Variants in ZNF417 observed in about 807,000 individuals in gnomAD.
ZNF417 encodes zinc finger protein 417.
ZNF417 carries 5 observed loss-of-function variants against 7.4 expected under a neutral mutation model. The ratio of observed to expected loss-of-function variants is 0.68; its 90% confidence interval spans 0.35 to 1.43. The LOEUF (loss-of-function observed/expected upper bound fraction) is 1.43. ZNF417 is among the 40% of genes most tolerant of loss of function. The pLI is 0.04. For missense variants in ZNF417, 437 were observed against 697.3 expected, an observed-to-expected ratio of 0.63 and a Z score of 4.20; for synonymous variants, 147 against 239.1, an observed-to-expected ratio of 0.61 and a Z score of 3.55.
chr19:57,913,890 T>A (rs1404979437), intron 1 of ZNF417, among the ~76,000 whole-genome samples: 2 of 152,194 alleles, frequency 1.3e-5, no homozygotes. Flanking sequence ...CATGTCCTCC[T>A]AAATGGACCC....
Position 57,908,831 on chromosome 19 carries a change from G to A in ZNF417, c.1447C>T (p.Gln483Ter), listed in dbSNP as rs759004763. 1 of 1,613,852 alleles carries A rather than the reference G, an allele frequency of 6.2e-7. No individual in the cohort carries two copies. Among genetic ancestry groups the A allele is most frequent in the Non-Finnish European group, 8.5e-7 (1 of 1,179,794 alleles). ...FGNKNCVTIH[Q>*]RIHTGERPYE... ...GGCCTTTCTCCAGTGTGAATCCTCT[G>A]ATGTATAGTCACGCAGTTCTTATTA... Residue 483 changes from glutamine to a stop codon, truncating the protein, a stop_gained, in exon 3 of 3, where the codon CAG becomes TAG. Coordinates refer to ENST00000312026, the MANE Select transcript of ZNF417 (RefSeq NM_152475.3). LOFTEE classifies it low-confidence loss of function (END_TRUNC).
In ZNF417 at chr19:57,909,212, C is replaced by G. The variant is rs750371309; in HGVS notation, c.1066G>C (p.Glu356Gln). 106 of 1,614,056 alleles carry G rather than the reference C, an allele frequency of 6.6e-5. No individual in the cohort carries two copies. Among genetic ancestry groups the G allele is most frequent in the Middle Eastern group, 4.9e-4 (3 of 6,084 alleles). The change falls in exon 3 of 3, where the codon GAA becomes CAA. Residue 356 changes from glutamate to glutamine, a missense_variant. Around this residue, in one of 5 missense-constraint regions of ZNF417, gnomAD observed 53 missense variants for 91.9 expected, o/e 0.58. Coordinates refer to ENST00000312026, the MANE Select transcript of ZNF417 (RefSeq NM_152475.3). ...TTCTGACGAAAAGATTTCCCACATT[C>G]CCCACAGTGATAAGCTCTCTCTCCA... Reference protein sequence around the residue: ...HTGERAYHCGECGKSFRQKFC... With the variant: ...HTGERAYHCGQCGKSFRQKFC...
rs573552710 is a variant in ZNF417 at position 57,907,844 on chromosome 19, A to T, written c.*706T>A. ...AGATTATCTCCAGAAAAGAGCTTGG[A>T]GTGAGGAAATTAGTTAATGTGGATG... is the stretch of plus-strand genomic sequence containing the variant. On this transcript the variant is annotated 3_prime_UTR_variant, in exon 3 of 3. Transcript: ENST00000312026. The T allele has an allele frequency of 2.0e-5, 3 of 152,852 alleles. No individual in the cohort carries two copies. The East Asian group carries it at 5.8e-4, about 29-fold the overall frequency. 9.5% of individuals were successfully genotyped at this position (152,852 alleles called of 1,614,324 possible).
chr19:57,907,701 G>C lies in ZNF417; in HGVS notation c.*849C>G, dbSNP rs575131205. On this transcript the variant is annotated 3_prime_UTR_variant, in exon 3 of 3. Coordinates refer to ENST00000312026, the MANE Select transcript of ZNF417 (RefSeq NM_152475.3). ...GGCTACAGTGTCGACATTCATGCAA[G>C]TGGGGAAATGGGCATGTGGCCCCTG... 1.9e-5 allele frequency: 3 copies of C among 154,992 alleles called. No individual in the cohort carries two copies. The highest frequency in any genetic ancestry group is 7.2e-5 in the African/African-American group (3 of 41,658). 9.6% of individuals were successfully genotyped at this position (154,992 alleles called of 1,614,324 possible).
Position 57,907,836 on chromosome 19 carries a change from G to C in ZNF417, c.*714C>G, listed in dbSNP as rs1419965228. The C allele has an allele frequency of 6.5e-6, 1 of 153,012 alleles. No homozygotes were observed. The highest frequency in any genetic ancestry group is 2.4e-5 in the African/African-American group (1 of 41,486). 9.5% of individuals were successfully genotyped at this position (153,012 alleles called of 1,614,324 possible). A position where few individuals can be genotyped will look rare whatever the true frequency, so the allele number is the denominator to read the frequency against. On this transcript the variant is annotated 3_prime_UTR_variant, in exon 3 of 3. Coordinates refer to ENST00000312026, the MANE Select transcript of ZNF417 (RefSeq NM_152475.3). ...GGGACTGGAGATTATCTCCAGAAAA[G>C]AGCTTGGAGTGAGGAAATTAGTTAA...
In ZNF417 at chr19:57,909,677, GCATAGTTTCA is replaced by G; in HGVS notation, c.591_600del (p.Glu198MetfsTer279). On this transcript the variant is annotated frameshift_variant, in exon 3 of 3. Coordinates refer to ENST00000312026, the MANE Select transcript of ZNF417 (RefSeq NM_152475.3). LOFTEE classifies it low-confidence loss of function (END_TRUNC). ...TTTCCCTCCTGAAAGGGTGGGCCAT[GCATAGTTTCA>G]CTGTCTGTCTTCTCTACAGCAGCTG... is the stretch of plus-strand genomic sequence containing the variant. The G allele has an allele frequency of 6.5e-7, 1 of 1,545,800 alleles. No homozygotes were observed.
chr19:57,909,136 T>G lies in ZNF417; in HGVS notation c.1142A>C (p.Lys381Thr), dbSNP rs561975277. 4 of 1,614,030 alleles carry G rather than the reference T, an allele frequency of 2.5e-6. No individual in the cohort carries two copies. The highest frequency in any genetic ancestry group is 3.4e-6 in the Non-Finnish European group (4 of 1,179,992). The part of the protein sequence containing the change: ...QRVHTGERPY[K>T]CGECGKSFGQ... ...AAAAGATTTTCCACATTCTCCACAC[T>G]TGTAAGGCCTTTCTCCAGTGTGAAC... is the stretch of plus-strand genomic sequence containing the variant. The change falls in exon 3 of 3, where the codon AAG becomes ACG. Residue 381 changes from lysine (K) to threonine (T), a missense_variant. Lys to Thr is a moderately conservative substitution (Grantham distance 78). Coordinates refer to ENST00000312026, the MANE Select transcript of ZNF417 (RefSeq NM_152475.3).
rs1226260065 is a variant in ZNF417 at position 57,906,636 on chromosome 19, C to G, written c.*1914G>C. Among the ~76,000 whole-genome samples, 2 of 148,766 alleles carry G rather than the reference C, an allele frequency of 1.3e-5. No individual in the cohort carries two copies. Among genetic ancestry groups the G allele is most frequent in the Admixed American group, 6.7e-5 (1 of 14,860 alleles). Reference sequence around the variant, plus strand: ...ATTAGGTGGGCGTGGTGGAGGGAACCTATAGGCCCAGCTACTTGGGAGGCT... The same window carrying G: ...ATTAGGTGGGCGTGGTGGAGGGAACGTATAGGCCCAGCTACTTGGGAGGCT... On this transcript the variant is annotated 3_prime_UTR_variant, in exon 3 of 3. Coordinates refer to ENST00000312026, the MANE Select transcript of ZNF417 (RefSeq NM_152475.3).
chr19:57,914,889 A>G (rs2071934041), intron 1 of ZNF417, among the ~76,000 whole-genome samples: 1 of 152,208 alleles, frequency 6.6e-6, no homozygotes, highest in Non-Finnish European at 1.5e-5. Context: ...TCCTCGGATC[A>G]AAGGACTGAA....
At position 57,908,090 on chromosome 19, in the gene ZNF417, TAGTA is replaced by T; in HGVS notation, c.*456_*459del. The T allele has an allele frequency of 5.6e-6, 1 of 179,958 alleles. No homozygotes were observed. Among genetic ancestry groups the T allele is most frequent in the Non-Finnish European group, 1.2e-5 (1 of 83,782 alleles). 11.1% of individuals were successfully genotyped at this position (179,958 alleles called of 1,614,324 possible). A position where few individuals can be genotyped will look rare whatever the true frequency, so the allele number is the denominator to read the frequency against. Reference sequence around the variant, plus strand: ...AAATACAAACTTGGAACAAAAGAAATAGTAAGGTAATCTTAGAAAGATGTTGAAT... The same window carrying T: ...AAATACAAACTTGGAACAAAAGAAATAGGTAATCTTAGAAAGATGTTGAAT... On this transcript the variant is annotated 3_prime_UTR_variant, in exon 3 of 3. Transcript: ENST00000312026.
At chr19:57,916,215 A>G (rs534284743) in intron 1 of ZNF417, among the ~76,000 whole-genome samples, 164 bp downstream of exon 1, 4 of 144,350 alleles carry the variant, frequency 2.8e-5, no homozygotes, top group South Asian at 2.1e-4. Context: ...ACAGTTACAC[A>G]GGGACCCCCA....
rs1445732564 is a variant in ZNF417 at position 57,905,917 on chromosome 19, T to C, written c.*2633A>G. Among the ~76,000 whole-genome samples, 1 of 152,172 alleles carries C rather than the reference T, an allele frequency of 6.6e-6. No homozygotes were observed. The highest frequency in any genetic ancestry group is 2.4e-5 in the African/African-American group (1 of 41,440). ...AGACAAGAGCCTGCAGAGACTAAAA[T>C]TGCTTAGTACTGAAAGTTTTGCCTA... is the stretch of plus-strand genomic sequence containing the variant. On this transcript the variant is annotated 3_prime_UTR_variant, in exon 3 of 3. Coordinates refer to ENST00000312026, the MANE Select transcript of ZNF417 (RefSeq NM_152475.3).
At chr19:57,910,770 G>A (rs557828704) in intron 2 of ZNF417, among the ~76,000 whole-genome samples, 53 of 152,194 alleles carry the variant, frequency 3.5e-4, no homozygotes, top group African/African-American at 5.1e-4. Context: ...TGGACTGGGC[G>A]CGGTGGCTCA....
chr19:57,912,719 G>C (rs891588705), intron 1 of ZNF417, among the ~76,000 whole-genome samples: 4 of 151,730 alleles, frequency 2.6e-5, no homozygotes, highest in Admixed American at 6.6e-5. Context: ...AGTGATTCTC[G>C]TGCCTCAGCC....
rs964508696 is a variant in ZNF417, at chr19:57,907,240, AG to A, written c.*1309del. On this transcript the variant is annotated 3_prime_UTR_variant, in exon 3 of 3. Transcript: ENST00000312026. ...AACCTTTTGTTTCACTAAATGGGAC[AG>A]GAAGTTTTAACTCTTGTATCCATGA... is the stretch of plus-strand genomic sequence containing the variant. The A allele has an allele frequency of 3.0e-4, 46 of 152,250 alleles. No homozygotes were observed. Among genetic ancestry groups the A allele is most frequent in the African/African-American group, 1.0e-3 (42 of 41,454 alleles). 9.4% of individuals were successfully genotyped at this position (152,250 alleles called of 1,614,324 possible). A position where few individuals can be genotyped will look rare whatever the true frequency, so the allele number is the denominator to read the frequency against.
intron 1 of ZNF417, among the ~76,000 whole-genome samples, chr19:57,912,564 C>T (rs1280295599): frequency 6.6e-6 from 1 of 152,070 alleles, no homozygotes. Flanking sequence ...CCTGAGTTTT[C>T]CCTACCATCA....
intron 1 of ZNF417, chr19:57,915,583 C>A: frequency 2.6e-6 from 1 of 387,922 alleles, no homozygotes; most frequent in South Asian, 3.9e-5. Flanking sequence ...CTCCGTCTTG[C>A]TTCCAACCTT....
At position 57,908,556 on chromosome 19, in the gene ZNF417, G is replaced by T. The variant is rs756921271; in HGVS notation, c.1722C>A (p.Ala574=). ...TTTCCCATATTCACTGCACTCATAA[G>T]GCCTTTCTCCTGTGTGAACTCTGAT... ...LHHQSSHRRK[A]L is the part of the protein sequence containing the mutation. The change falls in exon 3 of 3, where the codon GCC becomes GCA. Residue 574 remains alanine (A), a synonymous_variant. Coordinates refer to ENST00000312026, the MANE Select transcript of ZNF417 (RefSeq NM_152475.3). 5.0e-6 allele frequency: 8 copies of T among 1,614,118 alleles called. No individual in the cohort carries two copies. Among genetic ancestry groups the T allele is most frequent in the Non-Finnish European group, 6.8e-6 (8 of 1,180,014 alleles).
rs920547334 is a variant in ZNF417 at position 57,908,391 on chromosome 19, G to A, written c.*159C>T. The stretch of plus-strand genomic sequence containing the variant: ...TGCACTCCAGCCTGGGTGACAGAAT[G>A]AGACTCCGTTCCAATGCGAAGTCTC... On this transcript the variant is annotated 3_prime_UTR_variant, in exon 3 of 3. Coordinates refer to ENST00000312026, the MANE Select transcript of ZNF417 (RefSeq NM_152475.3). The A allele has an allele frequency of 4.4e-6, 6 of 1,373,798 alleles. No individual in the cohort carries two copies. The highest frequency in any genetic ancestry group is 2.3e-5 in the East Asian group (1 of 43,044). The allele number at this position is 1,373,798 out of a possible 1,614,324, so 85.1% of individuals were successfully genotyped here.
Sources: allele counts gnomAD v4.1 joint callset (sites outside exome capture counted in the v4.1 genomes callset), GRCh38; gene constraint gnomAD v4.1.1; regional missense constraint gnomAD v4.1.1; transcripts MANE v1.5; gene names NCBI Gene and HGNC (gene_info 2026-07-23, HGNC 2026-07-21).